The following PLEKHA2 variants were observed in gnomAD, a reference collection of about 807,000 sequenced individuals.
The protein encoded by PLEKHA2 is pleckstrin homology domain containing A2, also known as pleckstrin homology domain-containing family A member 2.
In PLEKHA2, 28 loss-of-function variants were observed where a neutral mutation model predicts 53.2. The ratio of observed to expected loss-of-function variants is 0.53; its 90% CI spans 0.39 to 0.72. The LOEUF is 0.72. Among genes scored for constraint, PLEKHA2 ranks in the 30% least tolerant of loss-of-function variants. The pLI is 0.00. For synonymous variants in PLEKHA2, 193 were observed against 196.4 expected (o/e 0.98, Z 0.14); for missense variants, 426 against 537.9 (o/e 0.79, Z 2.06).
intron 5 of PLEKHA2, among the ~76,000 whole-genome samples, chr8:38,949,318 AG>A (rs1282710272): frequency 1.3e-5 from 2 of 152,096 alleles, no homozygotes; most frequent in Non-Finnish European, 2.9e-5. Flanking sequence ...AGGAGGAAAC[AG>A]GGCAACAGGA....
intron 10 of PLEKHA2, among the ~76,000 whole-genome samples, chr8:38,964,348 A>G (rs1017991238): frequency 6.6e-6 from 1 of 152,186 alleles, no homozygotes; most frequent in Non-Finnish European, 1.5e-5. Flanking sequence ...GAGAGCAAAC[A>G]TTATCGCCTG....
chr8:38,903,584 C>G (rs1833825889), intron 1 of PLEKHA2, among the ~76,000 whole-genome samples: 1 of 152,082 alleles, frequency 6.6e-6, no homozygotes. Context: ...CTGATGAGCC[C>G]TATCAGCTGA....
Position 38,970,438 on chromosome 8 carries a change from A to G in PLEKHA2, c.*655A>G, listed in dbSNP as rs1350029888. Reference sequence around the variant, plus strand: ...ATTTTTAATGAAATAGAAGCTTGGCATAGAAACATTGATTTAGATGTTATG... The same window carrying G: ...ATTTTTAATGAAATAGAAGCTTGGCGTAGAAACATTGATTTAGATGTTATG... On this transcript the variant is annotated 3_prime_UTR_variant, in exon 12 of 12. Transcript: ENST00000617275. The G allele has an allele frequency of 1.3e-5, 2 of 157,952 alleles. No individual in the cohort carries two copies. The highest frequency in any genetic ancestry group is 2.4e-5 in the African/African-American group (1 of 41,630). 9.8% of individuals were successfully genotyped at this position (157,952 alleles called of 1,614,324 possible).
At position 38,964,852 on chromosome 8, in the gene PLEKHA2, C is replaced by CTTTTT. The variant is rs56714628; in HGVS notation, c.838-3714_838-3710dup. ...TATTTTATTTTTTCTTGTTACTTCC[C>CTTTTT]TTTTTTTTTTTTTTTTTTTTTTTTT... is the stretch of plus-strand genomic sequence containing the variant. On this transcript the variant is annotated intron_variant, in intron 10 of 11. Coordinates refer to ENST00000617275, the MANE Select transcript of PLEKHA2 (RefSeq NM_021623.2). Among the ~76,000 whole-genome samples the CTTTTT allele has an allele frequency of 1.2e-3, 67 of 54,976 alleles. 19 individuals are homozygous for CTTTTT. The highest frequency in any genetic ancestry group is 0.011 in the East Asian group (13 of 1,170). The allele number at this position is 54,976 out of a possible 152,430, so 36.1% of individuals were successfully genotyped here.
At chr8:38,937,280 C>T (rs1005402013) in intron 3 of PLEKHA2, among the ~76,000 whole-genome samples, 8 of 152,314 alleles carry the variant, frequency 5.3e-5, no homozygotes, top group African/African-American at 1.9e-4. Flanking sequence ...GCAATTTGTG[C>T]ATGCCTTGTG....
chr8:38,961,406 G>A (rs951403287), intron 10 of PLEKHA2, among the ~76,000 whole-genome samples: 5 of 151,906 alleles, frequency 3.3e-5, no homozygotes, highest in Admixed American at 6.6e-5. Context: ...GTGTGGTGGT[G>A]CGCACCTGTA....
chr8:38,973,055 A>ACAGCCTCC lies in PLEKHA2; in HGVS notation c.*3275_*3282dup, dbSNP rs1835281491. The ACAGCCTCC allele has an allele frequency of 6.6e-6, 1 of 152,162 alleles. No homozygotes were observed. The highest frequency in any genetic ancestry group is 1.9e-4 in the East Asian group (1 of 5,192). The allele number at this position is 152,162 out of a possible 1,614,324, so 9.4% of individuals were successfully genotyped here. A position where few individuals can be genotyped will look rare whatever the true frequency, so the allele number is the denominator to read the frequency against. ...TGGGCTCAAGTGATCTTCCTGCCTC[A>ACAGCCTCC]CAGCCTCCCAAAGTACTCAGATTAT... is the stretch of plus-strand genomic sequence containing the variant. On this transcript the variant is annotated 3_prime_UTR_variant, in exon 12 of 12. Coordinates refer to ENST00000617275, the MANE Select transcript of PLEKHA2 (RefSeq NM_021623.2).
chr8:38,948,120 T>C (rs1834750861), intron 5 of PLEKHA2, among the ~76,000 whole-genome samples: 1 of 141,024 alleles, frequency 7.1e-6, no homozygotes, highest in South Asian at 2.2e-4. Flanking sequence ...ATTTCCCTCC[T>C]TCTTTGCTGG....
intron 2 of PLEKHA2, among the ~76,000 whole-genome samples, chr8:38,921,031 C>T (rs1053237092): frequency 4.6e-5 from 7 of 152,048 alleles, no homozygotes; most frequent in African/African-American, 9.7e-5. Context: ...GAACTCCTGA[C>T]GTCAGGTGAT....
intron 9 of PLEKHA2, among the ~76,000 whole-genome samples, chr8:38,956,159 C>T (rs759051757): frequency 2.0e-5 from 3 of 152,276 alleles, no homozygotes; most frequent in South Asian, 2.1e-4. Flanking sequence ...ATGTATTCCC[C>T]GCAGTGGCTG....
At position 38,970,132 on chromosome 8, in the gene PLEKHA2, G is replaced by A. The variant is rs1404624081; in HGVS notation, c.*349G>A. 2 of 442,754 alleles carry A rather than the reference G, an allele frequency of 4.5e-6. No homozygotes were observed. Among genetic ancestry groups the A allele is most frequent in the Non-Finnish European group, 7.8e-6 (2 of 255,518 alleles). 27.4% of individuals were successfully genotyped at this position (442,754 alleles called of 1,614,324 possible). ...AGCTCCTCTCCAGAGGGGGCTGGAA[G>A]TCCAGTTTCACCAATGACCAAGTTT... is the stretch of plus-strand genomic sequence containing the variant. On this transcript the variant is annotated 3_prime_UTR_variant, in exon 12 of 12. Coordinates refer to ENST00000617275, the MANE Select transcript of PLEKHA2 (RefSeq NM_021623.2).
At chr8:38,938,990 G>A (rs1374230854) in intron 3 of PLEKHA2, among the ~76,000 whole-genome samples, 2 of 150,144 alleles carry the variant, frequency 1.3e-5, no homozygotes, top group Non-Finnish European at 3.0e-5. Flanking sequence ...TTCAACCTTT[G>A]CCTCCTGGGT....
intron 10 of PLEKHA2, among the ~76,000 whole-genome samples, chr8:38,965,560 A>T (rs1835120883): frequency 6.6e-6 from 1 of 152,100 alleles, no homozygotes; most frequent in South Asian, 2.1e-4. Context: ...AAAATCTCTT[A>T]ATAAATGCTT....
chr8:38,949,408 A>G (rs1478699640), intron 5 of PLEKHA2, among the ~76,000 whole-genome samples: 6 of 152,274 alleles, frequency 3.9e-5, no homozygotes, highest in South Asian at 2.1e-4. Context: ...AACACAATGT[A>G]TTTTCTATCT....
chr8:38,969,152 C>T (rs965180765), intron 11 of PLEKHA2, among the ~76,000 whole-genome samples: 4 of 152,142 alleles, frequency 2.6e-5, no homozygotes, highest in Admixed American at 6.5e-5. Context: ...CCACTTGCCT[C>T]GGGCTCCCAA....
At chr8:38,912,637 G>A (rs1311405069) in intron 1 of PLEKHA2, among the ~76,000 whole-genome samples, 1 of 152,188 alleles carries the variant, frequency 6.6e-6, no homozygotes, top group African/African-American at 2.4e-5. Flanking sequence ...GTGGATCTGG[G>A]GGCCTGGGGC....
intron 7 of PLEKHA2, 38 bp from the exon 8 acceptor site, chr8:38,952,598 C>T (rs1461077633): frequency 6.3e-7 from 1 of 1,586,962 alleles, no homozygotes; most frequent in African/African-American, 1.3e-5. Flanking sequence ...TGCTGGGCAC[C>T]TCTCGCTAAT....
chr8:38,946,859 A>C (rs1409656405), intron 5 of PLEKHA2, among the ~76,000 whole-genome samples: 2 of 152,200 alleles, frequency 1.3e-5, no homozygotes, highest in Non-Finnish European at 2.9e-5. Context: ...CTAGACTTTT[A>C]ATCAATAAGA....
intron 1 of PLEKHA2, among the ~76,000 whole-genome samples, chr8:38,912,719 A>G (rs1287948534): frequency 6.6e-6 from 1 of 152,192 alleles, no homozygotes; most frequent in Non-Finnish European, 1.5e-5. Flanking sequence ...GAACCATCAG[A>G]GGATTAGGGC....
Sources: allele counts gnomAD v4.1 joint callset (sites outside exome capture counted in the v4.1 genomes callset), GRCh38; gene constraint gnomAD v4.1.1; transcripts MANE v1.5; gene names NCBI Gene and HGNC (gene_info 2026-07-23, HGNC 2026-07-21).